The following TCTN3 variants were observed in gnomAD, a reference collection of about 807,000 sequenced individuals.
The protein encoded by TCTN3 is tectonic family member 3.
A neutral mutation model predicts 71.3 loss-of-function variants in TCTN3; 57 were observed. The observed-to-expected ratio is 0.80, with a 90% CI of 0.65 to 1.00. The LOEUF (loss-of-function observed/expected upper bound fraction) is 1.00. Among genes scored for constraint, TCTN3 ranks in the 50% least tolerant of loss-of-function variants. The pLI is 0.00. For missense variants in TCTN3, 696 were observed against 719.9 expected, an observed-to-expected ratio of 0.97 and a Z score of 0.38; for synonymous variants, 258 against 267.8, an observed-to-expected ratio of 0.96 and a Z score of 0.36.
rs1430131526 is a variant in TCTN3, at chr10:95,693,031, T to C, written c.388A>G (p.Ser130Gly). Reference protein sequence around the residue: ...FCLPGSVRSSSWVCVDNSVIF... With the variant: ...FCLPGSVRSSGWVCVDNSVIF... ...ACAGAGTTGTCTACACAAACCCAGC[T>C]TGAAGACCTGTGAGGAAAGAGGAGG... The change falls in exon 3 of 14, where the codon AGC (serine) becomes GGC (glycine). Residue 130 changes from serine to glycine, a missense_variant. Transcript: ENST00000371217. 4.3e-6 allele frequency: 7 copies of C among 1,610,656 alleles called. No homozygotes were observed. The highest frequency in any genetic ancestry group is 5.9e-6 in the Non-Finnish European group (7 of 1,177,592).
At chr10:95,670,131 A>G (rs2097929565) in intron 13 of TCTN3, among the ~76,000 whole-genome samples, 1 of 150,334 alleles carries the variant, frequency 6.7e-6, no homozygotes, top group Admixed American at 6.6e-5. Flanking sequence ...TTCCCATCAC[A>G]TGGTAATTAG....
chr10:95,671,114 T>C (rs1474047032), intron 13 of TCTN3, among the ~76,000 whole-genome samples: 1 of 152,192 alleles, frequency 6.6e-6, no homozygotes, highest in Non-Finnish European at 1.5e-5. Context: ...TCACTGTTTA[T>C]TTAGTGTGTG....
chr10:95,664,300 C>A lies in TCTN3; in HGVS notation c.1591G>T (p.Asp531Tyr), dbSNP rs143735885. The A allele has an allele frequency of 1.2e-6, 2 of 1,613,660 alleles. No individual in the cohort carries two copies. Among genetic ancestry groups the A allele is most frequent in the Non-Finnish European group, 1.7e-6 (2 of 1,179,648 alleles). ...RFLYQCQSIQ[D>Y]SQQVTEVSLT... ...GATACTTCTGTAACTTGCTGAGAAT[C>A]CTACGGGAAGAAAGTCAATGACAGG... is the stretch of plus-strand genomic sequence containing the variant. The change falls in exon 14 of 14, where the codon GAT (aspartate) becomes TAT (tyrosine). Residue 531 changes from aspartate (D) to tyrosine (Y), a missense_variant and splice_region_variant. Asp to Tyr is a radical substitution (Grantham distance 160, BLOSUM62 -3). Coordinates refer to ENST00000371217, the MANE Select transcript of TCTN3 (RefSeq NM_015631.6).
Position 95,684,610 on chromosome 10 carries a change from T to C in TCTN3, c.984A>G (p.Ile328Met). The change falls in exon 9 of 14, where the codon ATA (isoleucine) becomes ATG (methionine). Residue 328 changes from isoleucine to methionine, a missense_variant. By Grantham distance (10) the Ile-to-Met change is conservative (BLOSUM62 1). Transcript: ENST00000371217. ...GGATTCCAAAAGTCCCATTGGTCTC[T>C]ATCTCATAGGTGACCTGAAATGCAA... Reference protein sequence around the residue: ...QNVVSQVTYEIETNGTFGIQK... With the variant: ...QNVVSQVTYEMETNGTFGIQK... 1 of 1,613,908 alleles carries C rather than the reference T, an allele frequency of 6.2e-7. No individual in the cohort carries two copies. The highest frequency in any genetic ancestry group is 8.5e-7 in the Non-Finnish European group (1 of 1,179,820).
chr10:95,679,624 C>G (rs2097940867), intron 13 of TCTN3, among the ~76,000 whole-genome samples: 1 of 129,600 alleles, frequency 7.7e-6, no homozygotes, highest in African/African-American at 2.8e-5. Context: ...CGGAGTCTCG[C>G]TCTGTCGCCC....
chr10:95,684,080 G>C (rs1395268749), intron 9 of TCTN3, among the ~76,000 whole-genome samples: 2 of 152,212 alleles, frequency 1.3e-5, no homozygotes, highest in African/African-American at 2.4e-5. Context: ...TTCAAAAAGA[G>C]GAAAGAAGTA....
intron 13 of TCTN3, 48 bp from the exon 14 acceptor site, chr10:95,664,348 A>T (rs765568470): frequency 6.7e-7 from 1 of 1,482,102 alleles, no homozygotes; most frequent in South Asian, 1.1e-5. Flanking sequence ...ACCCATTCAT[A>T]TAGCACTCTA....
chr10:95,665,284 T>TG (rs2097924657), intron 13 of TCTN3, among the ~76,000 whole-genome samples: 1 of 152,090 alleles, frequency 6.6e-6, no homozygotes, highest in Admixed American at 6.6e-5. Flanking sequence ...AAATTTTTTT[T>TG]TTGTGTGTGT....
chr10:95,688,415 A>AAAAAAAAAAAAAAAAAAAAG (rs2097950679), intron 3 of TCTN3, among the ~76,000 whole-genome samples: 1 of 124,032 alleles, frequency 8.1e-6, no homozygotes, highest in Non-Finnish European at 1.7e-5. Context: ...AAAAAAAAAA[A>AAAAAAAAAAAAAAAAAAAAG]AAAGAAAAAA....
chr10:95,679,839 C>T (rs2097941155), intron 13 of TCTN3, among the ~76,000 whole-genome samples: 1 of 152,052 alleles, frequency 6.6e-6, no homozygotes, highest in Admixed American at 6.5e-5. Flanking sequence ...ATCCGCCCGC[C>T]TCGGCCTCCC....
At chr10:95,678,979 A>G (rs913441533) in intron 13 of TCTN3, among the ~76,000 whole-genome samples, 7 of 152,202 alleles carry the variant, frequency 4.6e-5, no homozygotes, top group Admixed American at 4.6e-4. Flanking sequence ...TGTGTATATC[A>G]TACCACATAT....
At chr10:95,665,381 T>C (rs1027732047) in intron 13 of TCTN3, among the ~76,000 whole-genome samples, 1 of 152,048 alleles carries the variant, frequency 6.6e-6, no homozygotes, top group African/African-American at 2.4e-5. Context: ...CGGGTTCAAG[T>C]GATTCTCATG....
chr10:95,678,579 GCCTGTGTGGA>G (rs1207099448), intron 13 of TCTN3, among the ~76,000 whole-genome samples: 2 of 150,094 alleles, frequency 1.3e-5, no homozygotes, highest in Non-Finnish European at 3.0e-5. Flanking sequence ...CTAGACAAAA[GCCTGTGTGGA>G]CGGAGAAGTG....
At position 95,683,591 on chromosome 10, in the gene TCTN3, A is replaced by C. The variant is rs771848227; in HGVS notation, c.1134T>G (p.Pro378=). ...CTATATAGCCAGGATTCCCACTTCT[A>C]GGACTGGTGAGAGAAGCAGCTGTGC... ...QQSTAASLTS[P]RSGNPGYIVG... is the part of the protein sequence containing the mutation. The change falls in exon 10 of 14, where the codon CCT becomes CCG. Residue 378 remains proline, a synonymous_variant. Transcript: ENST00000371217. 8.7e-6 allele frequency: 14 copies of C among 1,613,972 alleles called. No homozygotes were observed. Among genetic ancestry groups the C allele is most frequent in the Non-Finnish European group, 1.1e-5 (13 of 1,179,998 alleles).
chr10:95,690,365 T>C (rs2097952415), intron 3 of TCTN3, among the ~76,000 whole-genome samples: 1 of 152,188 alleles, frequency 6.6e-6, no homozygotes, highest in African/African-American at 2.4e-5. Context: ...TGGAAAGACA[T>C]GATGTTTACA....
chr10:95,688,874 CTCTG>C (rs1474910598), intron 3 of TCTN3, among the ~76,000 whole-genome samples: 2 of 152,154 alleles, frequency 1.3e-5, no homozygotes, highest in East Asian at 1.9e-4. Flanking sequence ...ATTGACAACA[CTCTG>C]TCTGCTTTAC....
chr10:95,684,466 C>G, intron 9 of TCTN3, 33 bp downstream of exon 9: 1 of 1,597,964 alleles, frequency 6.3e-7, no homozygotes, highest in East Asian at 2.2e-5. Flanking sequence ...TATTTCTTCC[C>G]CTCTAAATCC....
rs112118410 is a variant in TCTN3 at position 95,692,458 on chromosome 10, A to G, written c.499+462T>C. ...GAGGTGGAGGTTGCAGTGAGCTGAGATCGTGCCACTGCACTGCACTCCTGG... is the reference window on the plus strand; with the variant it reads ...GAGGTGGAGGTTGCAGTGAGCTGAGGTCGTGCCACTGCACTGCACTCCTGG... On this transcript the variant is annotated intron_variant, in intron 3 of 13. Transcript: ENST00000371217. Among the ~76,000 whole-genome samples the G allele has an allele frequency of 2.0e-5, 3 of 152,108 alleles. No individual in the cohort carries two copies. In the East Asian group the frequency reaches 5.8e-4, roughly 29 times the overall value.
chr10:95,670,912 C>T (rs1416903872), intron 13 of TCTN3, among the ~76,000 whole-genome samples: 1 of 152,206 alleles, frequency 6.6e-6, no homozygotes, highest in Non-Finnish European at 1.5e-5. Context: ...ATCCTCCCAC[C>T]TCAGCCTGCC....
Sources: gnomAD v4.1 joint callset for allele counts (sites outside exome capture counted in the v4.1 genomes callset) on GRCh38, gnomAD v4.1.1 for gene constraint, MANE v1.5 for transcripts, NCBI Gene and HGNC (gene_info 2026-07-23, HGNC 2026-07-21) for gene names.